Variants in GLMN observed in about 807,000 individuals in gnomAD.
GLMN encodes the protein glomulin.
GLMN carries 75 observed loss-of-function variants against 87.8 expected under a neutral mutation model. The ratio of observed to expected loss-of-function variants is 0.85; its 90% CI spans 0.71 to 1.04. The LOEUF is 1.04. Ranked by LOEUF, GLMN falls within the 50% of genes least tolerant of loss-of-function variation. The probability of loss-of-function intolerance (pLI) is 0.00; values close to 1 mark genes in which losing one functional copy is unlikely to be tolerated. For missense variants in GLMN, 588 were observed against 658.8 expected (o/e 0.89, Z 1.18); for synonymous variants, 206 against 221.6 (o/e 0.93, Z 0.63).
chr1:92,286,377 C>A lies in GLMN; in HGVS notation c.735+113G>T, dbSNP rs1648748754. The A allele has an allele frequency of 5.3e-6, 3 of 561,802 alleles. No homozygotes were observed. In the South Asian group the frequency reaches 7.7e-5, roughly 14 times the overall value. 34.8% of individuals were successfully genotyped at this position (561,802 alleles called of 1,614,324 possible). A position where few individuals can be genotyped will look rare whatever the true frequency, so the allele number is the denominator to read the frequency against. Reference sequence around the variant, plus strand: ...TTTCCATCTTTTGTTTATGTGTGTTCTACAAAAAATACACATTTCTTTATT... The same window carrying A: ...TTTCCATCTTTTGTTTATGTGTGTTATACAAAAAATACACATTTCTTTATT... On this transcript the variant is annotated intron_variant, in intron 7 of 18. Transcript: ENST00000370360.
chr1:92,345,400 A>G, the GLMN span, among the ~76,000 whole-genome samples: 762 of 138,258 alleles, frequency 5.5e-3, 14 homozygotes, highest in Middle Eastern at 0.025. Flanking sequence ...AAAAAAAAAA[A>G]AGAGAGAGAG....
chr1:92,257,527 T>C (rs1204009554), intron 16 of GLMN, among the ~76,000 whole-genome samples: 2 of 152,178 alleles, frequency 1.3e-5, no homozygotes, highest in African/African-American at 2.4e-5. Flanking sequence ...CAAGACAGCA[T>C]GGTACTGGTA....
At chr1:92,323,560 G>C in the GLMN span, 7 of 1,613,786 alleles carry the variant, frequency 4.3e-6, no homozygotes, top group Non-Finnish European at 5.9e-6. Context: ...CACTCACAGT[G>C]ATAGTAGCAG....
the GLMN span, among the ~76,000 whole-genome samples, chr1:92,324,720 TA>T: frequency 6.6e-6 from 1 of 152,240 alleles, no homozygotes; most frequent in East Asian, 1.9e-4. Context: ...TTCAGATTTT[TA>T]CATGGGGTCT....
the GLMN span, chr1:92,345,695 T>C: frequency 1.8e-6 from 1 of 565,960 alleles, no homozygotes. Context: ...GCCACATTAT[T>C]ATACTATTGA....
At chr1:92,290,102 T>C in intron 5 of GLMN, 96 bp downstream of exon 5, 1 of 767,802 alleles carries the variant, frequency 1.3e-6, no homozygotes, top group Non-Finnish European at 2.4e-6. Flanking sequence ...TAATTAGCTG[T>C]AAACTTTACT....
At chr1:92,311,148 T>A in the GLMN span, among the ~76,000 whole-genome samples, 730 of 152,316 alleles carry the variant, frequency 4.8e-3, 23 homozygotes, top group Admixed American at 0.042. Context: ...GAGCGCTGTT[T>A]TGTTGGATTT....
At chr1:92,327,345 T>A in the GLMN span, among the ~76,000 whole-genome samples, 1 of 152,174 alleles carries the variant, frequency 6.6e-6, no homozygotes, top group African/African-American at 2.4e-5. Flanking sequence ...AGCTCCAGGT[T>A]TAGATGCATA....
chr1:92,321,944 C>CTT, the GLMN span, among the ~76,000 whole-genome samples: 12 of 106,070 alleles, frequency 1.1e-4, no homozygotes, highest in African/African-American at 1.7e-4. Context: ...AATTTTCTTT[C>CTT]TTTTTTTTTT....
chr1:92,258,149 G>A (rs1433655249), intron 16 of GLMN, among the ~76,000 whole-genome samples: 3 of 151,948 alleles, frequency 2.0e-5, no homozygotes, highest in African/African-American at 7.2e-5. Context: ...CAACAAACAT[G>A]AAAAAAAGCT....
intron 7 of GLMN, among the ~76,000 whole-genome samples, chr1:92,283,823 A>G (rs926928425): frequency 1.8e-4 from 27 of 152,308 alleles, no homozygotes; most frequent in African/African-American, 3.8e-4. Context: ...CTATACACCA[A>G]TAATAGACAA....
intron 13 of GLMN, 88 bp downstream of exon 13, chr1:92,266,331 G>A: frequency 3.9e-6 from 3 of 766,004 alleles, no homozygotes; most frequent in East Asian, 2.5e-5. Context: ...AAAACATACC[G>A]ACATACTATG....
chr1:92,332,641 G>A, the GLMN span, among the ~76,000 whole-genome samples: 110 of 152,212 alleles, frequency 7.2e-4, 1 homozygote, highest in East Asian at 0.016. Flanking sequence ...TTCAAGGTGG[G>A]ATTCACTCCC....
chr1:92,298,359 C>T (rs1406516527), intron 1 of GLMN, among the ~76,000 whole-genome samples: 1 of 151,842 alleles, frequency 6.6e-6, no homozygotes, highest in African/African-American at 2.4e-5. Flanking sequence ...TCCCAAGAGG[C>T]GAGGCATATA....
chr1:92,304,718 T>G, the GLMN span, among the ~76,000 whole-genome samples: 1 of 152,174 alleles, frequency 6.6e-6, no homozygotes, highest in South Asian at 2.1e-4. Flanking sequence ...GATGGATTTT[T>G]CAATAAATTA....
At chr1:92,323,165 T>G in the GLMN span, among the ~76,000 whole-genome samples, 1 of 149,794 alleles carries the variant, frequency 6.7e-6, no homozygotes, top group African/African-American at 2.4e-5. Context: ...TTTGCTGTAC[T>G]CCTGTAACAA....
At chr1:92,320,669 A>G in the GLMN span, 11 of 1,540,472 alleles carry the variant, frequency 7.1e-6, no homozygotes, top group Non-Finnish European at 5.4e-6. Context: ...CCATTTATAT[A>G]TTTATGTTAA....
At chr1:92,303,930 A>G (rs368423779), upstream of GLMN, 1 of 1,313,626 alleles carries the variant, frequency 7.6e-7, no homozygotes, top group African/African-American at 1.5e-5. Flanking sequence ...TGATAAATGA[A>G]CTTTTCTATT....
chr1:92,264,617 A>T lies in GLMN; in HGVS notation c.1236T>A (p.Asn412Lys). 1 of 1,579,262 alleles carries T rather than the reference A, an allele frequency of 6.3e-7. No individual in the cohort carries two copies. The highest frequency in any genetic ancestry group is 8.7e-7 in the Non-Finnish European group (1 of 1,148,438). Residue 412 changes from asparagine to lysine, a missense_variant, in exon 14 of 19, where the codon AAT becomes AAA. By Grantham distance (94) the Asn-to-Lys change is moderately conservative. Coordinates refer to ENST00000370360, the MANE Select transcript of GLMN (RefSeq NM_053274.3). ...TAATAAAAGCCTCCACACCTGAGTG[A>T]TTACTTGTATTCAATAAGCACCTTG... is the stretch of plus-strand genomic sequence containing the variant. ...TLFRCLLNTS[N>K]HSGVEAFIIQ...
Sources: allele counts gnomAD v4.1 joint callset (sites outside exome capture counted in the v4.1 genomes callset), GRCh38; gene constraint gnomAD v4.1.1; transcripts MANE v1.5; gene names NCBI Gene and HGNC (gene_info 2026-07-23, HGNC 2026-07-21).